Variants in FBXW11 observed in about 807,000 individuals in gnomAD.
FBXW11 encodes the protein F-box/WD repeat-containing protein 11.
FBXW11 carries 19 observed loss-of-function variants against 77.6 expected under a neutral mutation model. The ratio of observed to expected loss-of-function variants is 0.24; its 90% CI spans 0.17 to 0.36. The LOEUF (loss-of-function observed/expected upper bound fraction) is 0.36. Ranked by LOEUF, FBXW11 falls within the 10% of genes least tolerant of loss-of-function variation. The pLI is 1.00. For synonymous variants in FBXW11, 235 were observed against 249.4 expected (o/e 0.94, Z 0.54); for missense variants, 334 against 704.2 (o/e 0.47, Z 5.95).
intron 6 of FBXW11, among the ~76,000 whole-genome samples, chr5:171,893,432 A>AAC (rs1561656868): frequency 6.9e-6 from 1 of 145,550 alleles, no homozygotes; most frequent in Non-Finnish European, 1.5e-5. Context: ...AAAAAAAAAA[A>AAC]AAAAAAAAAA....
chr5:171,991,235 T>C (rs1362038133), intron 1 of FBXW11, among the ~76,000 whole-genome samples: 1 of 152,214 alleles, frequency 6.6e-6, no homozygotes, highest in African/African-American at 2.4e-5. Flanking sequence ...ATGCTTTCAC[T>C]ATCAAAACTT....
At chr5:171,913,068 C>G (rs1760983550) in intron 3 of FBXW11, among the ~76,000 whole-genome samples, 1 of 152,034 alleles carries the variant, frequency 6.6e-6, no homozygotes, top group South Asian at 2.1e-4. Flanking sequence ...ACATCAAAAT[C>G]TCAAAAGTGC....
At chr5:171,994,302 C>T (rs1451663257) in intron 1 of FBXW11, among the ~76,000 whole-genome samples, 1 of 152,140 alleles carries the variant, frequency 6.6e-6, no homozygotes, top group Admixed American at 6.5e-5. Context: ...GTTATTTAAC[C>T]ACTCTACCCT....
intron 2 of FBXW11, among the ~76,000 whole-genome samples, chr5:171,937,652 C>A (rs972357061): frequency 6.6e-6 from 1 of 151,792 alleles, no homozygotes; most frequent in African/African-American, 2.4e-5. Context: ...CATGGTGAAA[C>A]CCCGCCTCTA....
intron 2 of FBXW11, among the ~76,000 whole-genome samples, chr5:171,921,881 G>C (rs1761618266): frequency 6.6e-6 from 1 of 152,076 alleles, no homozygotes. Context: ...TAGGACTACA[G>C]GTTCACATCA....
chr5:171,929,002 G>A (rs776603030), intron 2 of FBXW11, among the ~76,000 whole-genome samples: 11 of 152,200 alleles, frequency 7.2e-5, no homozygotes, highest in Non-Finnish European at 1.3e-4. Context: ...GAACCTGGGA[G>A]ATGGAGGCTG....
At chr5:171,914,257 CTTGATTCCACTG>C in intron 3 of FBXW11, 74 bp downstream of exon 3, 2 of 1,145,844 alleles carry the variant, frequency 1.7e-6, no homozygotes, top group Non-Finnish European at 2.5e-6. Context: ...ATGCTTGGCT[CTTGATTCCACTG>C]AGGACATTAA....
At chr5:171,971,438 G>A (rs947651821) in intron 1 of FBXW11, among the ~76,000 whole-genome samples, 2 of 152,142 alleles carry the variant, frequency 1.3e-5, no homozygotes, top group African/African-American at 4.8e-5. Flanking sequence ...TGCGTTGTAT[G>A]TAACTTTACC....
At chr5:171,982,894 T>A (rs147359226) in intron 1 of FBXW11, among the ~76,000 whole-genome samples, 96 of 152,212 alleles carry the variant, frequency 6.3e-4, no homozygotes, top group African/African-American at 2.3e-3. Context: ...GGCATGCCGA[T>A]GTCATGAAGC....
At chr5:171,969,744 C>A (rs1561734399) in intron 1 of FBXW11, among the ~76,000 whole-genome samples, 1 of 152,202 alleles carries the variant, frequency 6.6e-6, no homozygotes, top group Non-Finnish European at 1.5e-5. Flanking sequence ...CTCTGTCACC[C>A]AGGCTGGAGT....
At chr5:171,867,026 T>C (rs1043360489) in intron 13 of FBXW11, among the ~76,000 whole-genome samples, 2 of 152,300 alleles carry the variant, frequency 1.3e-5, no homozygotes, top group East Asian at 3.9e-4. Flanking sequence ...AACCAGTCCT[T>C]TGGGGTCCAC....
intron 7 of FBXW11, among the ~76,000 whole-genome samples, chr5:171,881,648 G>T (rs560269384): frequency 6.6e-6 from 1 of 152,190 alleles, no homozygotes. Flanking sequence ...AGATTGTAGA[G>T]AACTGGTGTA....
At chr5:171,885,385 G>C (rs1758812770) in intron 7 of FBXW11, among the ~76,000 whole-genome samples, 1 of 152,060 alleles carries the variant, frequency 6.6e-6, no homozygotes, top group African/African-American at 2.4e-5. Context: ...TGAGCCTCCA[G>C]CAATTTTTCA....
rs747965775 is a variant in FBXW11, at chr5:171,869,720, A to T, written c.1530+9T>A. The T allele has an allele frequency of 1.9e-6, 3 of 1,603,770 alleles. No individual in the cohort carries two copies. Among genetic ancestry groups the T allele is most frequent in the South Asian group, 1.1e-5 (1 of 89,870 alleles). On this transcript the variant is annotated intron_variant, in intron 12 of 13. Coordinates refer to ENST00000517395, the MANE Select transcript of FBXW11 (RefSeq NM_001378974.1). The surrounding 1 kb of genome is among the most constrained non-coding windows in gnomAD (Gnocchi z 4.1). The stretch of plus-strand genomic sequence containing the variant: ...AGGGAACCAATTCCCGTCTCAAGAG[A>T]TCACATACCACCAATGTGCGCAAAC...
At chr5:171,892,714 T>C (rs1480639684) in intron 6 of FBXW11, among the ~76,000 whole-genome samples, 1 of 152,220 alleles carries the variant, frequency 6.6e-6, no homozygotes, top group East Asian at 1.9e-4. Context: ...TAAGTGATTT[T>C]TTAAGGCTCA....
chr5:171,878,553 A>AGAGT (rs879378029), intron 7 of FBXW11, among the ~76,000 whole-genome samples: 8 of 105,394 alleles, frequency 7.6e-5, no homozygotes, highest in African/African-American at 2.5e-4. Context: ...TCTCCATAAG[A>AGAGT]GTGTGTGAGT....
chr5:171,948,793 C>G (rs1284250610), intron 2 of FBXW11, among the ~76,000 whole-genome samples: 1 of 152,118 alleles, frequency 6.6e-6, no homozygotes, highest in Non-Finnish European at 1.5e-5. Flanking sequence ...CGTCCCTATC[C>G]TCAAATTATA....
At chr5:171,873,334 C>T (rs1359177287) in intron 9 of FBXW11, among the ~76,000 whole-genome samples, 1 of 152,106 alleles carries the variant, frequency 6.6e-6, no homozygotes, top group Admixed American at 6.5e-5. Context: ...CATTTCAAAC[C>T]CCATGGAGCT....
intron 1 of FBXW11, among the ~76,000 whole-genome samples, chr5:171,965,533 T>TA (rs1421717392): frequency 0.027 from 2,349 of 85,826 alleles, 24 homozygotes; most frequent in African/African-American, 0.056. Context: ...TCTTTAAAAA[T>TA]AAAAAAAAAA....
Sources: gnomAD v4.1 joint callset for allele counts (sites outside exome capture counted in the v4.1 genomes callset) on GRCh38, gnomAD v4.1.1 for gene constraint, Gnocchi (gnomAD v3.1) non-coding constraint, MANE v1.5 for transcripts, NCBI Gene and HGNC (gene_info 2026-07-23, HGNC 2026-07-21) for gene names.